LRP1B: variants seen among roughly 807,000 people sequenced by gnomAD.
The protein encoded by LRP1B is LDL receptor related protein 1B, also known as low-density lipoprotein receptor-related protein 1B.
A neutral mutation model predicts 556.6 loss-of-function variants in LRP1B; 217 were observed. That is an observed-to-expected ratio of 0.39 (90% confidence interval 0.35 to 0.44). The LOEUF is 0.44. Among genes scored for constraint, LRP1B ranks in the 20% least tolerant of loss-of-function variants. LRP1B has a pLI of 1.00. For missense variants in LRP1B, 5,053 were observed against 5,620.8 expected (o/e 0.90, Z 3.23); for synonymous variants, 2,047 against 1,865.8 (o/e 1.10, Z -2.50).
At chr2:141,838,312 A>G (rs897612518) in intron 1 of LRP1B, among the ~76,000 whole-genome samples, 4 of 152,160 alleles carry the variant, frequency 2.6e-5, no homozygotes, top group Non-Finnish European at 4.4e-5. Context: ...CTCCTGGCCT[A>G]TAGAGCCACT....
intron 45 of LRP1B, among the ~76,000 whole-genome samples, chr2:140,540,366 A>T (rs1680090019): frequency 6.6e-6 from 1 of 152,104 alleles, no homozygotes; most frequent in South Asian, 2.1e-4. Context: ...ATATTGAAAC[A>T]CTTGAACCCT....
chr2:141,624,473 C>G (rs917711232), intron 2 of LRP1B, among the ~76,000 whole-genome samples: 1 of 152,054 alleles, frequency 6.6e-6, no homozygotes. Flanking sequence ...CTAATATATA[C>G]TTTTTAAATA....
At chr2:141,086,324 G>A (rs183870760) in intron 7 of LRP1B, among the ~76,000 whole-genome samples, 36 of 152,196 alleles carry the variant, frequency 2.4e-4, no homozygotes, top group African/African-American at 8.2e-4. Context: ...TTTATTGAAA[G>A]CATTATTTCC....
chr2:141,965,682 C>A (rs1701539156), intron 1 of LRP1B, among the ~76,000 whole-genome samples: 1 of 135,098 alleles, frequency 7.4e-6, no homozygotes. Flanking sequence ...ACCAGCATGG[C>A]ACATGTATAC....
intron 1 of LRP1B, among the ~76,000 whole-genome samples, chr2:141,956,843 C>A (rs1285340922): frequency 2.0e-5 from 3 of 151,908 alleles, no homozygotes; most frequent in African/African-American, 7.2e-5. Flanking sequence ...CAGTTCTCAG[C>A]ATAAAAAAAT....
In LRP1B at chr2:141,493,209, T is replaced by A. The variant is rs887358816; in HGVS notation, c.206-12676A>T. 3.3e-5 allele frequency among the ~76,000 whole-genome samples: 5 copies of A among 152,164 alleles called. No individual in the cohort carries two copies. In the East Asian group the frequency reaches 9.6e-4, roughly 29 times the overall value. ...ATTATTTGAATTTAGATCTCCTCTGTCTTCAAAACCTGGTTTCTTTATTAC... is the reference window on the plus strand; with the variant it reads ...ATTATTTGAATTTAGATCTCCTCTGACTTCAAAACCTGGTTTCTTTATTAC... On this transcript the variant is annotated intron_variant, in intron 2 of 90. Coordinates refer to ENST00000389484, the MANE Select transcript of LRP1B (RefSeq NM_018557.3).
intron 41 of LRP1B, among the ~76,000 whole-genome samples, chr2:140,668,267 G>A (rs1353121944): frequency 8.1e-6 from 1 of 123,094 alleles, no homozygotes; most frequent in Non-Finnish European, 1.6e-5. Flanking sequence ...CTGAGATTGC[G>A]CCACTGTACT....
intron 19 of LRP1B, among the ~76,000 whole-genome samples, chr2:140,951,483 T>C (rs1018076831): frequency 1.3e-4 from 20 of 152,114 alleles, no homozygotes; most frequent in African/African-American, 3.6e-4. Flanking sequence ...CTGACAGAGT[T>C]GAGACTATCT....
rs143481906 is a variant in LRP1B at position 140,533,777 on chromosome 2, G to C, written c.7762+244C>G. Among the ~76,000 whole-genome samples, 541 of 152,204 alleles carry C rather than the reference G, an allele frequency of 3.6e-3. 4 individuals carry two copies. The highest frequency in any genetic ancestry group is 0.013 in the African/African-American group (528 of 41,546). The stretch of plus-strand genomic sequence containing the variant: ...AGAAATGTCCGAATCCAGGAAGGTG[G>C]AACTGAAGAGGCGAGAAATTATAAG... On this transcript the variant is annotated intron_variant, in intron 47 of 90. Transcript: ENST00000389484.
intron 2 of LRP1B, among the ~76,000 whole-genome samples, chr2:141,629,881 T>C (rs1402747978): frequency 6.6e-6 from 1 of 152,112 alleles, no homozygotes; most frequent in Non-Finnish European, 1.5e-5. Flanking sequence ...AACTATTTGA[T>C]TAAATCCTCT....
chr2:141,278,642 T>G (rs1685394968), intron 3 of LRP1B, among the ~76,000 whole-genome samples: 1 of 152,136 alleles, frequency 6.6e-6, no homozygotes, highest in South Asian at 2.1e-4. Flanking sequence ...TTATTTCACC[T>G]AGGGAATACT....
chr2:140,688,820 C>T (rs1436806056), intron 41 of LRP1B, among the ~76,000 whole-genome samples: 2 of 152,178 alleles, frequency 1.3e-5, no homozygotes, highest in East Asian at 3.9e-4. Context: ...GGTTACTCAG[C>T]ATATAGTCTG....
chr2:141,056,139 A>G (rs1404368514), intron 9 of LRP1B, among the ~76,000 whole-genome samples: 1 of 151,770 alleles, frequency 6.6e-6, no homozygotes, highest in African/African-American at 2.4e-5. Context: ...TTATCTTTGT[A>G]TTCTTCATTC....
At chr2:141,458,254 G>A (rs1681708983) in intron 3 of LRP1B, among the ~76,000 whole-genome samples, 1 of 152,166 alleles carries the variant, frequency 6.6e-6, no homozygotes, top group Non-Finnish European at 1.5e-5. Context: ...TATGTGTTTT[G>A]AAGTGTTTCT....
chr2:140,827,307 T>C (rs1691543626), intron 31 of LRP1B, among the ~76,000 whole-genome samples: 1 of 152,112 alleles, frequency 6.6e-6, no homozygotes, highest in African/African-American at 2.4e-5. Context: ...GACAGCAATT[T>C]GTGAGCTCTC....
intron 89 of LRP1B, among the ~76,000 whole-genome samples, chr2:140,236,827 C>A (rs1176659509): frequency 6.6e-6 from 1 of 150,638 alleles, no homozygotes; most frequent in African/African-American, 2.4e-5. Context: ...ATACACTGAC[C>A]AAGATTTTTA....
chr2:140,907,174 C>A (rs1694281731), intron 22 of LRP1B, among the ~76,000 whole-genome samples: 1 of 151,966 alleles, frequency 6.6e-6, no homozygotes, highest in African/African-American at 2.4e-5. Flanking sequence ...TCTTCATTAT[C>A]TATTGATGTC....
intron 1 of LRP1B, among the ~76,000 whole-genome samples, chr2:142,088,004 A>C (rs2104943850): frequency 6.6e-6 from 1 of 152,254 alleles, no homozygotes; most frequent in South Asian, 2.1e-4. Flanking sequence ...AGAGCATGCA[A>C]ATTAGGTAAG....
At chr2:140,716,661 A>T in intron 36 of LRP1B, 21 bp downstream of exon 36, 1 of 1,587,912 alleles carries the variant, frequency 6.3e-7, no homozygotes. Context: ...AAACAGAAAG[A>T]TAAAAAGCCA....
Sources: allele counts gnomAD v4.1 joint callset (sites outside exome capture counted in the v4.1 genomes callset), GRCh38; gene constraint gnomAD v4.1.1; transcripts MANE v1.5; gene names NCBI Gene and HGNC (gene_info 2026-07-23, HGNC 2026-07-21).